The following MISP3 variants were observed in gnomAD, a reference collection of about 807,000 sequenced individuals.
The protein encoded by MISP3 is uncharacterized protein MISP3.
MISP3 carries 9 observed loss-of-function variants against 5.5 expected under a neutral mutation model. That is an observed-to-expected ratio of 1.65 (90% confidence interval 0.99 to 2.87). MISP3 has a LOEUF of 2.87. MISP3 is among the 30% of genes most tolerant of loss of function. The pLI is 0.00. For missense variants in MISP3, 152 were observed against 84.1 expected (o/e 1.81, Z -3.16); for synonymous variants, 87 against 38.1 (o/e 2.28, Z -4.73).
In MISP3 at chr19:14,073,176, A is replaced by G. The variant is rs1772151920; in HGVS notation, c.-134A>G. 1.5e-6 allele frequency: 1 copy of G among 674,262 alleles called. No individual in the cohort carries two copies. The highest frequency in any genetic ancestry group is 2.7e-6 in the Non-Finnish European group (1 of 366,838). 41.8% of individuals were successfully genotyped at this position (674,262 alleles called of 1,614,324 possible). The stretch of plus-strand genomic sequence containing the variant: ...GACGACCCTGGGCCGTCCGAAGCGC[A>G]AAGGGCGGAGGTCCAGGGGCAGCAT... On this transcript the variant is annotated 5_prime_UTR_variant, in exon 1 of 3. Coordinates refer to ENST00000587086, the MANE Select transcript of MISP3 (RefSeq NM_001291291.2). This position sits in a 1 kb window ranked among gnomAD's most constrained non-coding sequence, Gnocchi z 8.5.
rs1568515143 is a variant in MISP3 at position 14,073,900 on chromosome 19, C to CG, written c.568+23_568+24insG. 1.8e-5 allele frequency: 12 copies of CG among 661,398 alleles called. No homozygotes were observed. In the East Asian group the frequency reaches 3.3e-4, roughly 18 times the overall value. The allele number at this position is 661,398 out of a possible 1,614,324, so 41.0% of individuals were successfully genotyped here. On this transcript the variant is annotated intron_variant, in intron 1 of 2. Coordinates refer to ENST00000587086, the MANE Select transcript of MISP3 (RefSeq NM_001291291.2). This position sits in a 1 kb window ranked among gnomAD's most constrained non-coding sequence, Gnocchi z 8.5. Reference sequence around the variant, plus strand: ...CCGGTAAGCCGCGGGCGTAGCAACGCCGGGACCCCCAGGGTTCCAGCCGCC... The same window carrying CG: ...CCGGTAAGCCGCGGGCGTAGCAACGCGCGGGACCCCCAGGGTTCCAGCCGCC...
rs1599317044 is a variant in MISP3, at chr19:14,073,335, T to C, written c.26T>C (p.Ile9Thr). ...ATGGAGACGCCCATCGAGCGCGAAA[T>C]CCGCCGCAGCTGCGAACGCGAGGAG... is the stretch of plus-strand genomic sequence containing the variant. METPIERE[I>T]RRSCEREESL... The change falls in exon 1 of 3, where the codon ATC becomes ACC. Residue 9 changes from isoleucine (I) to threonine (T), a missense_variant. Physicochemically the swap from Ile to Thr is moderately conservative, Grantham distance 89 (BLOSUM62 -1). Coordinates refer to ENST00000587086, the MANE Select transcript of MISP3 (RefSeq NM_001291291.2). The surrounding 1 kb of genome is among the most constrained non-coding windows in gnomAD (Gnocchi z 8.5). 1 of 699,236 alleles carries C rather than the reference T, an allele frequency of 1.4e-6. No homozygotes were observed. Among genetic ancestry groups the C allele is most frequent in the Non-Finnish European group, 2.6e-6 (1 of 382,882 alleles). The allele number at this position is 699,236 out of a possible 1,614,324, so 43.3% of individuals were successfully genotyped here.
rs1287382098 is a variant in MISP3, at chr19:14,074,826, A to T, written c.*103A>T. On this transcript the variant is annotated 3_prime_UTR_variant, in exon 3 of 3. Coordinates refer to ENST00000587086, the MANE Select transcript of MISP3 (RefSeq NM_001291291.2). The surrounding 1 kb of genome is among the most constrained non-coding windows in gnomAD (Gnocchi z 4.4). The stretch of plus-strand genomic sequence containing the variant: ...GCCTGGAGAAGGGTCGGCTCTCTGC[A>T]TTGGGGAAGATGAAATCGACTTGCC... 2 of 669,614 alleles carry T rather than the reference A, an allele frequency of 3.0e-6. No individual in the cohort carries two copies. The highest frequency in any genetic ancestry group is 3.5e-5 in the African/African-American group (2 of 56,528). The allele number at this position is 669,614 out of a possible 1,614,324, so 41.5% of individuals were successfully genotyped here. A position where few individuals can be genotyped will look rare whatever the true frequency, so the allele number is the denominator to read the frequency against.
rs1282102128 is a variant in MISP3, at chr19:14,073,645, G to A, written c.336G>A (p.Ser112=). The A allele has an allele frequency of 9.5e-5, 35 of 367,730 alleles. No homozygotes were observed. Among genetic ancestry groups the A allele is most frequent in the Non-Finnish European group, 1.6e-4 (34 of 206,198 alleles). 22.8% of individuals were successfully genotyped at this position (367,730 alleles called of 1,614,324 possible). Residue 112 remains serine, a synonymous_variant, in exon 1 of 3, where the codon TCG becomes TCA. Transcript: ENST00000587086. The surrounding 1 kb of genome is among the most constrained non-coding windows in gnomAD (Gnocchi z 8.5). ...AGGCCGCGGCGGGGAGCGGCTCCTC[G>A]GCGGGGGCGGGGGACGGCGCGGGCC... ...FFEAAAGSGS[S]AGAGDGAGPQ...
rs1281434232 is a variant in MISP3 at position 14,074,260 on chromosome 19, G to A, written c.569-130G>A. On this transcript the variant is annotated intron_variant, in intron 1 of 2. Coordinates refer to ENST00000587086, the MANE Select transcript of MISP3 (RefSeq NM_001291291.2). The surrounding 1 kb of genome is among the most constrained non-coding windows in gnomAD (Gnocchi z 4.4). ...ACCTCCCTCCTCCCTCGGGTTCCTGGGTGCCTGGAGTTGAATGGAGGCTTT... is the reference window on the plus strand; with the variant it reads ...ACCTCCCTCCTCCCTCGGGTTCCTGAGTGCCTGGAGTTGAATGGAGGCTTT... The A allele has an allele frequency of 2.1e-5, 13 of 618,134 alleles. No individual in the cohort carries two copies. Among genetic ancestry groups the A allele is most frequent in the Middle Eastern group, 2.6e-4 (1 of 3,820 alleles). 38.3% of individuals were successfully genotyped at this position (618,134 alleles called of 1,614,324 possible). A position where few individuals can be genotyped will look rare whatever the true frequency, so the allele number is the denominator to read the frequency against.
In MISP3 at chr19:14,074,471, C is replaced by T. The variant is rs1274666824; in HGVS notation, c.642+8C>T. ...GAGAACGGCCTGGAGCAGGTGGGAG[C>T]CCCCTTACCCGTGTGCCTCTAGCGC... On this transcript the variant is annotated splice_region_variant and intron_variant, in intron 2 of 2. Transcript: ENST00000587086. The surrounding 1 kb of genome is among the most constrained non-coding windows in gnomAD (Gnocchi z 4.4). 1.4e-6 allele frequency: 1 copy of T among 702,114 alleles called. No individual in the cohort carries two copies. The highest frequency in any genetic ancestry group is 2.6e-6 in the Non-Finnish European group (1 of 384,758). The allele number at this position is 702,114 out of a possible 1,614,324, so 43.5% of individuals were successfully genotyped here.
Position 14,074,189 on chromosome 19 carries a change from G to A in MISP3, c.569-201G>A. On this transcript the variant is annotated intron_variant, in intron 1 of 2. Coordinates refer to ENST00000587086, the MANE Select transcript of MISP3 (RefSeq NM_001291291.2). The surrounding 1 kb of genome is among the most constrained non-coding windows in gnomAD (Gnocchi z 4.4). ...CCTGACTGGGTTCTGGCACTCCTGG[G>A]TCCTCCCTCTGAATTTTCGGGCTCC... 1.7e-6 allele frequency: 1 copy of A among 597,376 alleles called. No homozygotes were observed. 37.0% of individuals were successfully genotyped at this position (597,376 alleles called of 1,614,324 possible).
At position 14,074,289 on chromosome 19, in the gene MISP3, G is replaced by C. The variant is rs145386618; in HGVS notation, c.569-101G>C. 1,058 of 651,570 alleles carry C rather than the reference G, an allele frequency of 1.6e-3. 12 individuals are homozygous for C. In the African/African-American group the frequency reaches 0.017, roughly 10 times the overall value. The allele number at this position is 651,570 out of a possible 1,614,324, so 40.4% of individuals were successfully genotyped here. ...CCTGGAGTTGAATGGAGGCTTTCAT[G>C]GGGAGGCGGAGGGTGAACGCCTGTG... On this transcript the variant is annotated intron_variant, in intron 1 of 2. Transcript: ENST00000587086. The surrounding 1 kb of genome is among the most constrained non-coding windows in gnomAD (Gnocchi z 4.4).
Position 14,074,268 on chromosome 19 carries a change from GA to G in MISP3, c.569-121del. On this transcript the variant is annotated intron_variant, in intron 1 of 2. Transcript: ENST00000587086. The surrounding 1 kb of genome is among the most constrained non-coding windows in gnomAD (Gnocchi z 4.4). ...CCTCCCTCGGGTTCCTGGGTGCCTG[GA>G]GTTGAATGGAGGCTTTCATGGGGAG... The G allele has an allele frequency of 1.6e-6, 1 of 629,296 alleles. No individual in the cohort carries two copies. Among genetic ancestry groups the G allele is most frequent in the Non-Finnish European group, 2.9e-6 (1 of 348,008 alleles). 39.0% of individuals were successfully genotyped at this position (629,296 alleles called of 1,614,324 possible).
Position 14,073,415 on chromosome 19 carries a change from G to C in MISP3, c.106G>C (p.Glu36Gln), listed in dbSNP as rs8104055. 0.019 allele frequency: 12,586 copies of C among 676,348 alleles called. 1,186 individuals carry two copies. The African/African-American group carries it at 0.21, about 11-fold the overall frequency. The allele number at this position is 676,348 out of a possible 1,614,324, so 41.9% of individuals were successfully genotyped here. A position where few individuals can be genotyped will look rare whatever the true frequency, so the allele number is the denominator to read the frequency against. Residue 36 changes from glutamate (E) to glutamine (Q), a missense_variant, in exon 1 of 3, where the codon GAG (glutamate) becomes CAG (glutamine). Physicochemically the swap from Glu to Gln is conservative, Grantham distance 29. Coordinates refer to ENST00000587086, the MANE Select transcript of MISP3 (RefSeq NM_001291291.2). The surrounding 1 kb of genome is among the most constrained non-coding windows in gnomAD (Gnocchi z 8.5). Reference protein sequence around the residue: ...SPGRAGRELVELRVRPVLNLP... With the variant: ...SPGRAGRELVQLRVRPVLNLP... ...GGGCCGCGCAGGCCGTGAACTCGTC[G>C]AGCTGCGCGTGCGGCCGGTGCTCAA... is the stretch of plus-strand genomic sequence containing the variant.
At position 14,075,047 on chromosome 19, in the gene MISP3, CTCT is replaced by C. The variant is rs1005198635; in HGVS notation, c.*329_*331del. 3.1e-6 allele frequency: 1 copy of C among 324,206 alleles called. No individual in the cohort carries two copies. Among genetic ancestry groups the C allele is most frequent in the African/African-American group, 2.1e-5 (1 of 48,450 alleles). 20.1% of individuals were successfully genotyped at this position (324,206 alleles called of 1,614,324 possible). On this transcript the variant is annotated 3_prime_UTR_variant, in exon 3 of 3. Transcript: ENST00000587086. ...CCACTCCCCCCACCCCCAATAAAGC[CTCT>C]TCTTTCAGGGCACTGCAGCCTGTTT...
In MISP3 at chr19:14,072,952, A is replaced by G. The variant is rs538480573; in HGVS notation, c.-358A>G. The G allele has an allele frequency of 6.4e-6, 3 of 468,800 alleles. No homozygotes were observed. Among genetic ancestry groups the G allele is most frequent in the Non-Finnish European group, 1.3e-5 (3 of 235,296 alleles). 29.0% of individuals were successfully genotyped at this position (468,800 alleles called of 1,614,324 possible). On this transcript the variant is annotated 5_prime_UTR_variant, in exon 1 of 3. Transcript: ENST00000587086. This position sits in a 1 kb window ranked among gnomAD's most constrained non-coding sequence, Gnocchi z 6.8. Reference sequence around the variant, plus strand: ...GAAACCCTGGGGTCGTCTGAAGAGGAGGGCCAGGAGTCCCCAGGGCCAGAC... The same window carrying G: ...GAAACCCTGGGGTCGTCTGAAGAGGGGGGCCAGGAGTCCCCAGGGCCAGAC...
In MISP3 at chr19:14,073,205, C is replaced by G; in HGVS notation, c.-105C>G. 1.5e-6 allele frequency: 1 copy of G among 674,480 alleles called. No individual in the cohort carries two copies. The highest frequency in any genetic ancestry group is 2.4e-4 in the Middle Eastern group (1 of 4,200). 41.8% of individuals were successfully genotyped at this position (674,480 alleles called of 1,614,324 possible). A position where few individuals can be genotyped will look rare whatever the true frequency, so the allele number is the denominator to read the frequency against. On this transcript the variant is annotated 5_prime_UTR_variant, in exon 1 of 3. Coordinates refer to ENST00000587086, the MANE Select transcript of MISP3 (RefSeq NM_001291291.2). This position sits in a 1 kb window ranked among gnomAD's most constrained non-coding sequence, Gnocchi z 8.5. ...GGCGGAGGTCCAGGGGCAGCATCCCCCTCCAGGCCCTAAGACCTCCTCCTC... is the reference window on the plus strand; with the variant it reads ...GGCGGAGGTCCAGGGGCAGCATCCCGCTCCAGGCCCTAAGACCTCCTCCTC...
Position 14,073,622 on chromosome 19 carries a change from G to GCCGCGGCGGGGAGCGGCT in MISP3, c.316_333dup (p.Ala106_Ser111dup). 2 of 344,474 alleles carry GCCGCGGCGGGGAGCGGCT rather than the reference G, an allele frequency of 5.8e-6. No homozygotes were observed. Among genetic ancestry groups the GCCGCGGCGGGGAGCGGCT allele is most frequent in the Non-Finnish European group, 5.2e-6 (1 of 191,302 alleles). The allele number at this position is 344,474 out of a possible 1,614,324, so 21.3% of individuals were successfully genotyped here. ...GGGCGAACTCAAGCGCTTCTTCGAG[G>GCCGCGGCGGGGAGCGGCT]CCGCGGCGGGGAGCGGCTCCTCGGC... On this transcript the variant is annotated inframe_insertion, in exon 1 of 3. Coordinates refer to ENST00000587086, the MANE Select transcript of MISP3 (RefSeq NM_001291291.2). The surrounding 1 kb of genome is among the most constrained non-coding windows in gnomAD (Gnocchi z 8.5).
rs1165951783 is a variant in MISP3 at position 14,073,186 on chromosome 19, G to A, written c.-124G>A. 1 of 674,636 alleles carries A rather than the reference G, an allele frequency of 1.5e-6. No homozygotes were observed. Among genetic ancestry groups the A allele is most frequent in the South Asian group, 1.5e-5 (1 of 66,528 alleles). 41.8% of individuals were successfully genotyped at this position (674,636 alleles called of 1,614,324 possible). A position where few individuals can be genotyped will look rare whatever the true frequency, so the allele number is the denominator to read the frequency against. ...GGCCGTCCGAAGCGCAAAGGGCGGAGGTCCAGGGGCAGCATCCCCCTCCAG... is the reference window on the plus strand; with the variant it reads ...GGCCGTCCGAAGCGCAAAGGGCGGAAGTCCAGGGGCAGCATCCCCCTCCAG... On this transcript the variant is annotated 5_prime_UTR_variant, in exon 1 of 3. Coordinates refer to ENST00000587086, the MANE Select transcript of MISP3 (RefSeq NM_001291291.2). The surrounding 1 kb of genome is among the most constrained non-coding windows in gnomAD (Gnocchi z 8.5).
rs1976657869 is a variant in MISP3, at chr19:14,074,532, T to G, written c.642+69T>G. Reference sequence around the variant, plus strand: ...CCCCACCCCTCCGGTGCCAGGACGCTTGGTGGGGAAAAGTGCATCCTCCCT... The same window carrying G: ...CCCCACCCCTCCGGTGCCAGGACGCGTGGTGGGGAAAAGTGCATCCTCCCT... On this transcript the variant is annotated intron_variant, in intron 2 of 2. Transcript: ENST00000587086. The surrounding 1 kb of genome is among the most constrained non-coding windows in gnomAD (Gnocchi z 4.4). 1.5e-6 allele frequency: 1 copy of G among 684,068 alleles called. No individual in the cohort carries two copies. Among genetic ancestry groups the G allele is most frequent in the Non-Finnish European group, 2.7e-6 (1 of 373,122 alleles). 42.4% of individuals were successfully genotyped at this position (684,068 alleles called of 1,614,324 possible).
In MISP3 at chr19:14,074,108, C is replaced by G. The variant is rs908635376; in HGVS notation, c.568+231C>G. On this transcript the variant is annotated intron_variant, in intron 1 of 2. Transcript: ENST00000587086. This position sits in a 1 kb window ranked among gnomAD's most constrained non-coding sequence, Gnocchi z 4.4. ...GACTCTCTGATCCACACCACCCAGG[C>G]TGCGCGGGGGTGGGGGCATTCCAGA... 50 of 594,084 alleles carry G rather than the reference C, an allele frequency of 8.4e-5. 1 individual carries two copies. Among genetic ancestry groups the G allele is most frequent in the South Asian group, 4.2e-4 (21 of 49,558 alleles). The allele number at this position is 594,084 out of a possible 1,614,324, so 36.8% of individuals were successfully genotyped here.
At position 14,074,310 on chromosome 19, in the gene MISP3, CTGTG is replaced by C; in HGVS notation, c.569-74_569-71del. On this transcript the variant is annotated intron_variant, in intron 1 of 2. Transcript: ENST00000587086. This position sits in a 1 kb window ranked among gnomAD's most constrained non-coding sequence, Gnocchi z 4.4. ...TCATGGGGAGGCGGAGGGTGAACGC[CTGTG>C]TGTGTTTAAGGGGTGCGGCCGGCCT... is the stretch of plus-strand genomic sequence containing the variant. The C allele has an allele frequency of 1.5e-6, 1 of 687,654 alleles. No homozygotes were observed. The highest frequency in any genetic ancestry group is 2.7e-6 in the Non-Finnish European group (1 of 377,182). 42.6% of individuals were successfully genotyped at this position (687,654 alleles called of 1,614,324 possible). A position where few individuals can be genotyped will look rare whatever the true frequency, so the allele number is the denominator to read the frequency against.
In MISP3 at chr19:14,072,851, C is replaced by A; in HGVS notation, c.-459C>A. On this transcript the variant is annotated 5_prime_UTR_variant, in exon 1 of 3. Transcript: ENST00000587086. The surrounding 1 kb of genome is among the most constrained non-coding windows in gnomAD (Gnocchi z 6.8). ...TGCCCTCTGTCCTCGCTCTGGGAAT[C>A]AAAACCCCGGTTGGGAACTGAGGCT... 1 of 383,820 alleles carries A rather than the reference C, an allele frequency of 2.6e-6. No individual in the cohort carries two copies. The highest frequency in any genetic ancestry group is 1.9e-5 in the South Asian group (1 of 52,792). 23.8% of individuals were successfully genotyped at this position (383,820 alleles called of 1,614,324 possible).
Sources: allele counts gnomAD v4.1 joint callset, GRCh38; gene constraint gnomAD v4.1.1; non-coding constraint Gnocchi (gnomAD v3.1); transcripts MANE v1.5; gene names NCBI Gene and HGNC (gene_info 2026-07-23, HGNC 2026-07-21).